Variants in IFTAP observed in about 807,000 individuals in gnomAD.
The protein encoded by IFTAP is intraflagellar transport associated protein.
In IFTAP, 19 loss-of-function variants were observed where a neutral mutation model predicts 19.4. The observed-to-expected ratio is 0.98, with a 90% confidence interval of 0.68 to 1.44. The LOEUF (loss-of-function observed/expected upper bound fraction) is 1.44, where lower values mean the gene tolerates loss of function less well. Among genes scored for constraint, IFTAP ranks in the 40% most tolerant of loss-of-function variants. The pLI is 0.00. For synonymous variants in IFTAP, 85 were observed against 83.5 expected, an observed-to-expected ratio of 1.02 and a Z score of -0.10; for missense variants, 240 against 253.6, an observed-to-expected ratio of 0.95 and a Z score of 0.36.
chr11:36,611,310 A>G (rs780739842), intron 2 of IFTAP, among the ~76,000 whole-genome samples: 1 of 151,782 alleles, frequency 6.6e-6, no homozygotes, highest in Non-Finnish European at 1.5e-5. Flanking sequence ...TACACATTAG[A>G]CTCACCTGAC....
chr11:36,649,278 T>TC (rs1219144312), intron 5 of IFTAP, among the ~76,000 whole-genome samples: 1 of 152,154 alleles, frequency 6.6e-6, no homozygotes, highest in Non-Finnish European at 1.5e-5. Context: ...TGAAAGTATA[T>TC]CCAGGATGCG....
At position 36,629,910 on chromosome 11, in the gene IFTAP, C is replaced by T. The variant is rs111296300; in HGVS notation, c.137-3374C>T. On this transcript the variant is annotated intron_variant, in intron 2 of 5. Transcript: ENST00000334307. ...TTTGACTCAGAAATGCCCAAAGAAA[C>T]GCTTTTTCAGGTCTCAATAACCTAC... Among the ~76,000 whole-genome samples, 768 of 151,454 alleles carry T rather than the reference C, an allele frequency of 5.1e-3. 50 individuals carry two copies. Among genetic ancestry groups the T allele is most frequent in the African/African-American group, 0.017 (702 of 40,764 alleles).
rs1335148489 is a variant in IFTAP, at chr11:36,610,176, CTTAA to C, written c.76_79del (p.Asn26ValfsTer11). The C allele has an allele frequency of 1.9e-6, 3 of 1,610,684 alleles. No individual in the cohort carries two copies. The highest frequency in any genetic ancestry group is 2.7e-5 in the African/African-American group (2 of 74,800). ...AATCAAAGACGTCTTGGATAAATTCCTTAATTGTCATGAGCAAACATATGATGAA... is the reference window on the plus strand; with the variant it reads ...AATCAAAGACGTCTTGGATAAATTCCTTGTCATGAGCAAACATATGATGAA... On this transcript the variant is annotated frameshift_variant, in exon 2 of 6. Coordinates refer to ENST00000334307, the MANE Select transcript of IFTAP (RefSeq NM_138787.4). LOFTEE classifies it high-confidence loss of function.
At chr11:36,656,737 A>G (rs1302430793) in intron 5 of IFTAP, among the ~76,000 whole-genome samples, 1 of 152,066 alleles carries the variant, frequency 6.6e-6, no homozygotes, top group African/African-American at 2.4e-5. Context: ...AGATTTTGCT[A>G]TAATCACTTT....
intron 2 of IFTAP, among the ~76,000 whole-genome samples, chr11:36,630,616 G>T (rs1009464083): frequency 2.0e-5 from 3 of 151,372 alleles, no homozygotes; most frequent in Non-Finnish European, 4.4e-5. Context: ...ATTGGAAATA[G>T]TAGAGAGTAC....
chr11:36,603,162 A>G (rs938969840), intron 1 of IFTAP, among the ~76,000 whole-genome samples: 4 of 152,202 alleles, frequency 2.6e-5, no homozygotes, highest in African/African-American at 9.6e-5. Context: ...GTATTATACA[A>G]TCTGCTGGTG....
intron 2 of IFTAP, among the ~76,000 whole-genome samples, chr11:36,631,143 AC>A (rs1459924292): frequency 6.6e-6 from 1 of 150,940 alleles, no homozygotes; most frequent in Non-Finnish European, 1.5e-5. Context: ...TTGCTCAGCA[AC>A]CCCCAGCCCT....
At chr11:36,655,073 TG>T (rs1261660200) in intron 5 of IFTAP, among the ~76,000 whole-genome samples, 2 of 152,174 alleles carry the variant, frequency 1.3e-5, no homozygotes, top group Admixed American at 6.6e-5. Flanking sequence ...GATGACCAAA[TG>T]TTTTCCCTGC....
At chr11:36,596,211 G>GTTTTTTTTTTTT (rs1243664769) in intron 1 of IFTAP, among the ~76,000 whole-genome samples, 8 of 101,142 alleles carry the variant, frequency 7.9e-5, no homozygotes, top group Middle Eastern at 7.0e-3. Context: ...AGATGGTAGT[G>GTTTTTTTTTTTT]TTTTTTTTTT....
At chr11:36,624,495 C>G (rs1433386616) in intron 2 of IFTAP, among the ~76,000 whole-genome samples, 5 of 152,208 alleles carry the variant, frequency 3.3e-5, no homozygotes, top group African/African-American at 9.6e-5. Flanking sequence ...TAGACCCAGA[C>G]ATGGAGGCCA....
At chr11:36,612,585 T>C (rs565476486) in intron 2 of IFTAP, among the ~76,000 whole-genome samples, 2 of 152,070 alleles carry the variant, frequency 1.3e-5, no homozygotes, top group African/African-American at 2.4e-5. Context: ...GCCCTTCATT[T>C]GTCTCAATGT....
chr11:36,658,751 G>A (rs368968668), intron 5 of IFTAP, among the ~76,000 whole-genome samples: 1 of 152,038 alleles, frequency 6.6e-6, no homozygotes. Context: ...TATATGCAAG[G>A]GAGACTTTCT....
intron 5 of IFTAP, among the ~76,000 whole-genome samples, chr11:36,649,867 C>G (rs1446623628): frequency 6.6e-6 from 1 of 152,054 alleles, no homozygotes; most frequent in African/African-American, 2.4e-5. Flanking sequence ...TCACAACCGT[C>G]TAGAATCACA....
At chr11:36,621,428 C>A (rs985275648) in intron 2 of IFTAP, among the ~76,000 whole-genome samples, 4 of 151,836 alleles carry the variant, frequency 2.6e-5, no homozygotes, top group African/African-American at 9.7e-5. Flanking sequence ...TGGATTCGTT[C>A]CAGAGGAGGT....
intron 2 of IFTAP, among the ~76,000 whole-genome samples, chr11:36,621,013 A>G (rs141617086): frequency 0.012 from 1,813 of 152,158 alleles, 20 homozygotes; most frequent in East Asian, 0.031. Context: ...CTAATAGTTA[A>G]ATAAACTTTT....
intron 2 of IFTAP, among the ~76,000 whole-genome samples, chr11:36,617,735 T>C (rs944562267): frequency 3.9e-5 from 6 of 152,030 alleles, no homozygotes; most frequent in Admixed American, 2.6e-4. Context: ...GAGTAACTTA[T>C]TTAATTGCCA....
chr11:36,604,493 T>A (rs775160643), intron 1 of IFTAP, among the ~76,000 whole-genome samples: 1 of 152,214 alleles, frequency 6.6e-6, no homozygotes, highest in Non-Finnish European at 1.5e-5. Flanking sequence ...TTTTATATTC[T>A]GCTTTCCCTT....
At position 36,639,156 on chromosome 11, in the gene IFTAP, TTAGAA is replaced by T. The variant is rs200881928; in HGVS notation, c.358+3043_358+3047del. On this transcript the variant is annotated intron_variant, in intron 4 of 5. Coordinates refer to ENST00000334307, the MANE Select transcript of IFTAP (RefSeq NM_138787.4). ...GTTATTAGTTATTGTGCTGAGGACA[TTAGAA>T]TAGGAAGATTTTCTGTTCATCTTTA... Among the ~76,000 whole-genome samples, 1,433 of 152,300 alleles carry T rather than the reference TTAGAA, an allele frequency of 9.4e-3. 25 individuals carry two copies. Among genetic ancestry groups the T allele is most frequent in the African/African-American group, 0.032 (1,338 of 41,564 alleles).
chr11:36,629,782 T>C (rs1450871032), intron 2 of IFTAP, among the ~76,000 whole-genome samples: 1 of 151,134 alleles, frequency 6.6e-6, no homozygotes, highest in Non-Finnish European at 1.5e-5. Flanking sequence ...TGTTGGAAGC[T>C]TGTCTGTTTA....
Sources: allele counts gnomAD v4.1 joint callset (sites outside exome capture counted in the v4.1 genomes callset), GRCh38; gene constraint gnomAD v4.1.1; transcripts MANE v1.5; gene names NCBI Gene and HGNC (gene_info 2026-07-23, HGNC 2026-07-21).